CSNK1G1: variants seen among roughly 807,000 people sequenced by gnomAD.
CSNK1G1 encodes the protein casein kinase I isoform gamma-1.
A neutral mutation model predicts 59.6 loss-of-function variants in CSNK1G1; 22 were observed. The ratio of observed to expected loss-of-function variants is 0.37; its 90% CI spans 0.26 to 0.53. The LOEUF is 0.53. Among genes scored for constraint, CSNK1G1 ranks in the 20% least tolerant of loss-of-function variants. The pLI, the probability that CSNK1G1 is intolerant of heterozygous loss-of-function variation, is 0.89. For synonymous variants in CSNK1G1, 179 were observed against 177.1 expected (o/e 1.01, Z -0.08); for missense variants, 384 against 519.5 (o/e 0.74, Z 2.54).
chr15:64,304,944 G>A (rs1473297698), intron 1 of CSNK1G1, among the ~76,000 whole-genome samples: 2 of 152,102 alleles, frequency 1.3e-5, no homozygotes, highest in Non-Finnish European at 2.9e-5. Flanking sequence ...CATTGCTTTT[G>A]GTCCTCATGC....
At position 64,300,592 on chromosome 15, in the gene CSNK1G1, T is replaced by C. The variant is rs1469777560; in HGVS notation, c.-93A>G. On this transcript the variant is annotated 5_prime_UTR_variant, in exon 2 of 12. The change abolishes the stop of an existing upstream ORF in the 5' untranslated region. Coordinates refer to ENST00000303052, the MANE Select transcript of CSNK1G1 (RefSeq NM_022048.5). The stretch of plus-strand genomic sequence containing the variant: ...AAAAGTATGTCCAAATAAATTGTAG[T>C]CAGAGAAAGGTAAGGAGTTCTTTTA... 10 of 1,465,492 alleles carry C rather than the reference T, an allele frequency of 6.8e-6. No individual in the cohort carries two copies. In the East Asian group the frequency reaches 2.4e-4, roughly 35 times the overall value. The allele number at this position is 1,465,492 out of a possible 1,614,324, so 90.8% of individuals were successfully genotyped here. A position where few individuals can be genotyped will look rare whatever the true frequency, so the allele number is the denominator to read the frequency against.
intron 3 of CSNK1G1, among the ~76,000 whole-genome samples, chr15:64,252,481 G>T (rs570070826): frequency 2.4e-4 from 36 of 151,856 alleles, no homozygotes; most frequent in South Asian, 4.2e-4. Flanking sequence ...AAGTGCTGTG[G>T]GATTATAGGC....
At chr15:64,311,732 T>C (rs1324788787) in intron 1 of CSNK1G1, among the ~76,000 whole-genome samples, 5 of 147,428 alleles carry the variant, frequency 3.4e-5, no homozygotes, top group African/African-American at 1.3e-4. Flanking sequence ...CCTATAAAAT[T>C]AGTCAGGTGC....
At chr15:64,190,642 G>A (rs575658703) in intron 10 of CSNK1G1, among the ~76,000 whole-genome samples, 173 of 152,018 alleles carry the variant, frequency 1.1e-3, no homozygotes, top group African/African-American at 4.0e-3. Context: ...TTGAACTCCC[G>A]ACCTCAGGTG....
chr15:64,187,614 G>T (rs1051522990), intron 10 of CSNK1G1, among the ~76,000 whole-genome samples: 1 of 152,184 alleles, frequency 6.6e-6, no homozygotes, highest in East Asian at 1.9e-4. Flanking sequence ...TATCCTAGAT[G>T]ATCAAGGCTA....
intron 2 of CSNK1G1, among the ~76,000 whole-genome samples, chr15:64,292,658 C>T (rs1170162377): frequency 6.6e-6 from 1 of 152,176 alleles, no homozygotes; most frequent in African/African-American, 2.4e-5. Context: ...GGTGCAGTGG[C>T]CCATGCCTGT....
intron 1 of CSNK1G1, among the ~76,000 whole-genome samples, chr15:64,339,430 A>G (rs1017995711): frequency 2.0e-5 from 3 of 152,174 alleles, no homozygotes; most frequent in African/African-American, 7.2e-5. Flanking sequence ...CTCCTGCCTC[A>G]GCCTCCCAAG....
Position 64,247,338 on chromosome 15 carries a change from A to G in CSNK1G1, c.292+4174T>C, listed in dbSNP as rs192164137. Among the ~76,000 whole-genome samples, 35 of 152,340 alleles carry G rather than the reference A, an allele frequency of 2.3e-4. 1 individual carries two copies. The East Asian group carries it at 5.6e-3, about 24-fold the overall frequency. On this transcript the variant is annotated intron_variant, in intron 4 of 11. Coordinates refer to ENST00000303052, the MANE Select transcript of CSNK1G1 (RefSeq NM_022048.5). ...GAAGAAAATAAGAAAAATAGTTATAAGATTTTACAATTTGGTTTCTATAAG... is the reference window on the plus strand; with the variant it reads ...GAAGAAAATAAGAAAAATAGTTATAGGATTTTACAATTTGGTTTCTATAAG...
chr15:64,300,596 A>G lies in CSNK1G1; in HGVS notation c.-97T>C. 1 of 1,461,242 alleles carries G rather than the reference A, an allele frequency of 6.8e-7. No homozygotes were observed. The highest frequency in any genetic ancestry group is 9.1e-7 in the Non-Finnish European group (1 of 1,102,920). The allele number at this position is 1,461,242 out of a possible 1,614,324, so 90.5% of individuals were successfully genotyped here. The stretch of plus-strand genomic sequence containing the variant: ...GTATGTCCAAATAAATTGTAGTCAG[A>G]GAAAGGTAAGGAGTTCTTTTAGCAC... On this transcript the variant is annotated 5_prime_UTR_variant, in exon 2 of 12. Transcript: ENST00000303052.
chr15:64,192,754 G>C (rs1462107708), intron 10 of CSNK1G1, among the ~76,000 whole-genome samples: 2 of 148,766 alleles, frequency 1.3e-5, no homozygotes, highest in Admixed American at 1.4e-4. Flanking sequence ...AGCTACTTGG[G>C]AGGCTGAGAA....
intron 2 of CSNK1G1, among the ~76,000 whole-genome samples, chr15:64,277,077 G>C (rs1032623307): frequency 6.6e-6 from 1 of 152,042 alleles, no homozygotes; most frequent in Non-Finnish European, 1.5e-5. Flanking sequence ...TTGATCATTA[G>C]ACAAAATAGT....
At chr15:64,185,954 C>T (rs1242339972) in intron 10 of CSNK1G1, among the ~76,000 whole-genome samples, 1 of 151,482 alleles carries the variant, frequency 6.6e-6, no homozygotes, top group Non-Finnish European at 1.5e-5. Context: ...AAGGAAAATA[C>T]CAAAGAGCTG....
intron 1 of CSNK1G1, among the ~76,000 whole-genome samples, chr15:64,340,307 GCT>G (rs1217757686): frequency 5.3e-5 from 8 of 152,134 alleles, no homozygotes; most frequent in Non-Finnish European, 1.0e-4. Context: ...TCACCCAATA[GCT>G]CTGTCTTGTT....
chr15:64,320,283 C>G (rs191330019), intron 1 of CSNK1G1, among the ~76,000 whole-genome samples: 1 of 152,022 alleles, frequency 6.6e-6, no homozygotes, highest in Non-Finnish European at 1.5e-5. Context: ...TCAGAAGTAC[C>G]GGATATTGAT....
In CSNK1G1 at chr15:64,278,365, T is replaced by C. The variant is rs1243447938; in HGVS notation, c.182-19124A>G. The stretch of plus-strand genomic sequence containing the variant: ...CCCAGTCCAGGGGTAAAAGTATATA[T>C]GCATGTATGTGCGTGTGTGTGTGTG... On this transcript the variant is annotated intron_variant, in intron 2 of 11. Transcript: ENST00000303052. Among the ~76,000 whole-genome samples, 4 of 149,410 alleles carry C rather than the reference T, an allele frequency of 2.7e-5. No individual in the cohort carries two copies. In the East Asian group the frequency reaches 7.8e-4, roughly 29 times the overall value.
intron 11 of CSNK1G1, 94 bp downstream of exon 11, chr15:64,180,254 A>C (rs1053755986): frequency 1.9e-5 from 17 of 915,354 alleles, no homozygotes; most frequent in Middle Eastern, 2.2e-4. Flanking sequence ...CAAGCATGAG[A>C]AATCCAGTCT....
At chr15:64,257,368 G>C (rs1596170638) in intron 3 of CSNK1G1, among the ~76,000 whole-genome samples, 1 of 152,210 alleles carries the variant, frequency 6.6e-6, no homozygotes, top group Non-Finnish European at 1.5e-5. Context: ...AATTTTTAAA[G>C]TGTTTTAGGA....
chr15:64,215,652 A>G (rs936058866), intron 5 of CSNK1G1, among the ~76,000 whole-genome samples: 4 of 152,216 alleles, frequency 2.6e-5, no homozygotes, highest in Non-Finnish European at 5.9e-5. Flanking sequence ...AAATGAAGAT[A>G]TATTTGCATC....
In CSNK1G1 at chr15:64,167,562, C is replaced by G. The variant is rs1437408505; in HGVS notation, c.*4369G>C. On this transcript the variant is annotated 3_prime_UTR_variant, in exon 12 of 12. Coordinates refer to ENST00000303052, the MANE Select transcript of CSNK1G1 (RefSeq NM_022048.5). ...CTGAGGGTTTCTGGAATTCATCTGC[C>G]CACCATAGGGCAATGGTGGGGATGG... 1.3e-5 allele frequency: 2 copies of G among 152,756 alleles called. No individual in the cohort carries two copies. Among genetic ancestry groups the G allele is most frequent in the Non-Finnish European group, 2.9e-5 (2 of 68,032 alleles). The allele number at this position is 152,756 out of a possible 1,614,324, so 9.5% of individuals were successfully genotyped here.
Sources: allele counts gnomAD v4.1 joint callset (sites outside exome capture counted in the v4.1 genomes callset), GRCh38; gene constraint gnomAD v4.1.1; transcripts MANE v1.5; gene names NCBI Gene and HGNC (gene_info 2026-07-23, HGNC 2026-07-21).